BCKDHB: variants seen among roughly 807,000 people sequenced by gnomAD.
BCKDHB encodes 2-oxoisovalerate dehydrogenase subunit beta, mitochondrial.
A neutral mutation model predicts 48.5 loss-of-function variants in BCKDHB; 41 were observed. The observed-to-expected ratio is 0.85, with a 90% CI of 0.66 to 1.10. BCKDHB has a LOEUF of 1.10. Ranked by LOEUF, BCKDHB falls within the 50% of genes least tolerant of loss-of-function variation. The probability of loss-of-function intolerance (pLI) is 0.00; values close to 1 mark genes in which losing one functional copy is unlikely to be tolerated. For synonymous variants in BCKDHB, 201 were observed against 174.8 expected (o/e 1.15, Z -1.18); for missense variants, 496 against 494.2 (o/e 1.00, Z -0.03).
chr6:80,462,098 T>C, the BCKDHB span, among the ~76,000 whole-genome samples: 1 of 152,162 alleles, frequency 6.6e-6, no homozygotes, highest in African/African-American at 2.4e-5. Flanking sequence ...GAAAAACAAC[T>C]ATTACCTTTA....
chr6:80,131,674 G>A (rs1007657052), intron 3 of BCKDHB, among the ~76,000 whole-genome samples: 8 of 150,172 alleles, frequency 5.3e-5, no homozygotes, highest in Non-Finnish European at 1.0e-4. Context: ...ATGGAGTCTC[G>A]CTCTATCGCC....
chr6:80,177,201 CTGGATGACAGTGAGACCT>C (rs1773197497), intron 6 of BCKDHB, among the ~76,000 whole-genome samples: 1 of 120,486 alleles, frequency 8.3e-6, no homozygotes, highest in African/African-American at 3.3e-5. Context: ...GCATTCTAGC[CTGGATGACAGTGAGACCT>C]TGTCTCAAAA....
intron 3 of BCKDHB, among the ~76,000 whole-genome samples, chr6:80,153,846 AC>A (rs1398026756): frequency 6.6e-6 from 1 of 152,230 alleles, no homozygotes; most frequent in Non-Finnish European, 1.5e-5. Context: ...AAATGGTGGA[AC>A]CAGATTTAAA....
downstream of BCKDHB, among the ~76,000 whole-genome samples, chr6:80,350,359 T>G (rs1260116049): frequency 6.7e-6 from 1 of 149,966 alleles, no homozygotes; most frequent in Non-Finnish European, 1.5e-5. Context: ...GAGAAAAAAC[T>G]AAAATTGAAG....
chr6:80,113,116 T>C (rs563056543), intron 1 of BCKDHB, among the ~76,000 whole-genome samples: 2 of 152,190 alleles, frequency 1.3e-5, no homozygotes, highest in Non-Finnish European at 2.9e-5. Context: ...ATAAGAACCC[T>C]GTAGGAGAAT....
chr6:80,336,496 C>CAAAAAAAAAAAAAAA (rs1769599756), intron 9 of BCKDHB, among the ~76,000 whole-genome samples: 1 of 142,498 alleles, frequency 7.0e-6, no homozygotes, highest in Non-Finnish European at 1.5e-5. Context: ...CAAAAAAAAC[C>CAAAAAAAAAAAAAAA]AAAAAAACAA....
rs75287059 is a variant in BCKDHB, at chr6:80,344,379, C to G, written c.*575C>G. 1 of 156,038 alleles carries G rather than the reference C, an allele frequency of 6.4e-6. No homozygotes were observed. The highest frequency in any genetic ancestry group is 1.9e-4 in the South Asian group (1 of 5,340). The allele number at this position is 156,038 out of a possible 1,614,324, so 9.7% of individuals were successfully genotyped here. A position where few individuals can be genotyped will look rare whatever the true frequency, so the allele number is the denominator to read the frequency against. The stretch of plus-strand genomic sequence containing the variant: ...TTTTTTTTTTTGAGACCGAGTCTCA[C>G]TCTGTCACCAGGCTGGAGTGCAGTG... On this transcript the variant is annotated 3_prime_UTR_variant, in exon 10 of 10. Transcript: ENST00000320393.
At chr6:80,174,994 T>C (rs1212886668) in intron 6 of BCKDHB, among the ~76,000 whole-genome samples, 1 of 152,228 alleles carries the variant, frequency 6.6e-6, no homozygotes, top group African/African-American at 2.4e-5. Context: ...TATGCTAATA[T>C]AAGGCCTCAA....
intron 3 of BCKDHB, among the ~76,000 whole-genome samples, chr6:80,134,473 G>A (rs568524360): frequency 5.3e-5 from 8 of 152,288 alleles, no homozygotes; most frequent in Middle Eastern, 3.4e-3. Flanking sequence ...CAATATTTGG[G>A]AGTTGACTTT....
chr6:80,243,996 TAAG>T (rs758596565), intron 8 of BCKDHB, among the ~76,000 whole-genome samples: 3 of 152,314 alleles, frequency 2.0e-5, no homozygotes, highest in South Asian at 2.1e-4. Context: ...AAACTGAAAA[TAAG>T]AAGCCACAAG....
intron 9 of BCKDHB, among the ~76,000 whole-genome samples, chr6:80,273,465 A>AT (rs1489965287): frequency 7.2e-5 from 11 of 152,098 alleles, no homozygotes; most frequent in Admixed American, 7.2e-4. Flanking sequence ...AAGCTGAAAA[A>AT]TTTTTTATGG....
At chr6:80,284,271 G>T (rs1582501916) in intron 9 of BCKDHB, among the ~76,000 whole-genome samples, 1 of 152,088 alleles carries the variant, frequency 6.6e-6, no homozygotes, top group East Asian at 1.9e-4. Context: ...TCAATTTGAA[G>T]TTAAACACTT....
At chr6:80,168,149 G>C (rs1432088973) in intron 4 of BCKDHB, among the ~76,000 whole-genome samples, 1 of 151,904 alleles carries the variant, frequency 6.6e-6, no homozygotes, top group African/African-American at 2.4e-5. Flanking sequence ...AGCCCAGTGT[G>C]GTGGCACATA....
the BCKDHB span, among the ~76,000 whole-genome samples, chr6:80,421,158 T>A: frequency 6.6e-6 from 1 of 152,102 alleles, no homozygotes; most frequent in Non-Finnish European, 1.5e-5. Context: ...TCTGTTCTCA[T>A]GATAGAGAGT....
At chr6:80,436,658 T>C in the BCKDHB span, among the ~76,000 whole-genome samples, 1 of 152,214 alleles carries the variant, frequency 6.6e-6, no homozygotes, top group Non-Finnish European at 1.5e-5. Context: ...CTTTTCTTTG[T>C]GATTCCAAGG....
At chr6:80,383,115 G>A in the BCKDHB span, among the ~76,000 whole-genome samples, 101 of 152,204 alleles carry the variant, frequency 6.6e-4, 2 homozygotes, top group South Asian at 0.017. Flanking sequence ...TGTGGCAGGG[G>A]GAAAAGAGCA....
chr6:80,443,420 A>T, the BCKDHB span: 5 of 152,264 alleles, frequency 3.3e-5, no homozygotes, highest in South Asian at 1.0e-3. Context: ...ATGTGAACAC[A>T]TGAGTGAAGC....
At chr6:80,260,226 T>TGG (rs992454259) in intron 8 of BCKDHB, among the ~76,000 whole-genome samples, 1 of 151,646 alleles carries the variant, frequency 6.6e-6, no homozygotes, top group Non-Finnish European at 1.5e-5. Flanking sequence ...TGTGTGTGTG[T>TGG]GTGGGGTAAT....
the BCKDHB span, among the ~76,000 whole-genome samples, chr6:80,440,145 G>A: frequency 2.0e-5 from 3 of 152,198 alleles, no homozygotes; most frequent in Non-Finnish European, 4.4e-5. Flanking sequence ...CAGGATGTTA[G>A]ATGAGATGGG....
Sources: gnomAD v4.1 joint callset for allele counts (sites outside exome capture counted in the v4.1 genomes callset) on GRCh38, gnomAD v4.1.1 for gene constraint, MANE v1.5 for transcripts, NCBI Gene and HGNC (gene_info 2026-07-23, HGNC 2026-07-21) for gene names.